KCNK1: variants seen among roughly 807,000 people sequenced by gnomAD.
KCNK1 encodes potassium two pore domain channel subfamily K member 1, also known as potassium channel subfamily K member 1.
A neutral mutation model predicts 22.2 loss-of-function variants in KCNK1; 10 were observed. The observed-to-expected ratio is 0.45, with a 90% CI of 0.28 to 0.76. The LOEUF (loss-of-function observed/expected upper bound fraction) is 0.76. Among genes scored for constraint, KCNK1 ranks in the 30% least tolerant of loss-of-function variants. KCNK1 has a pLI of 0.14. For synonymous variants in KCNK1, 200 were observed against 186.4 expected (o/e 1.07, Z -0.60); for missense variants, 378 against 421.0 (o/e 0.90, Z 0.89).
At position 233,624,585 on chromosome 1, in the gene KCNK1, C is replaced by T. The variant is rs369780871; in HGVS notation, c.355+10059C>T. 5.1e-4 allele frequency among the ~76,000 whole-genome samples: 77 copies of T among 152,284 alleles called. No individual in the cohort carries two copies. The South Asian group carries it at 0.015, about 30-fold the overall frequency. ...AGGAGCAACTTAAGGCACATTTCTT[C>T]ATATGTCTGAATCTGTGCCTTTTCT... On this transcript the variant is annotated intron_variant, in intron 1 of 2. Coordinates refer to ENST00000366621, the MANE Select transcript of KCNK1 (RefSeq NM_002245.4).
At chr1:233,664,477 G>GT (rs1317913135) in intron 1 of KCNK1, among the ~76,000 whole-genome samples, 1 of 152,152 alleles carries the variant, frequency 6.6e-6, no homozygotes, top group Non-Finnish European at 1.5e-5. Context: ...GCAGTTGGGT[G>GT]TGCAGGGACC....
At chr1:233,670,636 T>C (rs1278908801) in intron 2 of KCNK1, among the ~76,000 whole-genome samples, 1 of 152,108 alleles carries the variant, frequency 6.6e-6, no homozygotes, top group Non-Finnish European at 1.5e-5. Flanking sequence ...GTGAGACTTA[T>C]TCACTATCAT....
At chr1:233,634,591 A>G (rs1657865370) in intron 1 of KCNK1, among the ~76,000 whole-genome samples, 1 of 152,210 alleles carries the variant, frequency 6.6e-6, no homozygotes, top group Non-Finnish European at 1.5e-5. Context: ...GGAGAGAGTC[A>G]ACGAGGCTGA....
At chr1:233,629,983 A>T (rs1461268863) in intron 1 of KCNK1, 1 of 152,196 alleles carries the variant, frequency 6.6e-6, no homozygotes, top group Non-Finnish European at 1.5e-5. Flanking sequence ...GGCAGGGGAT[A>T]TAGAAGGGAA....
chr1:233,630,447 G>C (rs1657771615), intron 1 of KCNK1: 1 of 152,088 alleles, frequency 6.6e-6, no homozygotes, highest in Non-Finnish European at 1.5e-5. Flanking sequence ...TGGTACATTG[G>C]CCTCAGATTA....
At position 233,661,150 on chromosome 1, in the gene KCNK1, C is replaced by A. The variant is rs563765209; in HGVS notation, c.356-5445C>A. Among the ~76,000 whole-genome samples, 46 of 152,304 alleles carry A rather than the reference C, an allele frequency of 3.0e-4. No homozygotes were observed. In the East Asian group the frequency reaches 7.5e-3, roughly 25 times the overall value. ...CCGTTTCCCTCCTTTCCAGAACCTACCTCCTCAGACTGATGGATGCATGAT... is the reference window on the plus strand; with the variant it reads ...CCGTTTCCCTCCTTTCCAGAACCTAACTCCTCAGACTGATGGATGCATGAT... On this transcript the variant is annotated intron_variant, in intron 1 of 2. Transcript: ENST00000366621.
At chr1:233,661,985 T>TA (rs1191678153) in intron 1 of KCNK1, 4 of 152,208 alleles carry the variant, frequency 2.6e-5, no homozygotes, top group African/African-American at 9.7e-5. Context: ...GCACCGGTGT[T>TA]ACGGTTCACT....
At chr1:233,664,366 A>T (rs1365728306) in intron 1 of KCNK1, among the ~76,000 whole-genome samples, 1 of 152,124 alleles carries the variant, frequency 6.6e-6, no homozygotes, top group East Asian at 1.9e-4. Flanking sequence ...TAGCATGAAC[A>T]TTATTTGGCA....
At chr1:233,651,234 GC>G (rs1658197838) in intron 1 of KCNK1, among the ~76,000 whole-genome samples, 1 of 152,146 alleles carries the variant, frequency 6.6e-6, no homozygotes, top group Admixed American at 6.5e-5. Flanking sequence ...ATCCTGAGTT[GC>G]CTGCACAGCA....
chr1:233,664,909 T>G (rs116607246), intron 1 of KCNK1, among the ~76,000 whole-genome samples: 4 of 152,036 alleles, frequency 2.6e-5, no homozygotes, highest in Admixed American at 6.6e-5. Flanking sequence ...AAAAAAAATG[T>G]ATTTAGCTGG....
At chr1:233,664,899 A>T (rs985775239) in intron 1 of KCNK1, among the ~76,000 whole-genome samples, 16 of 106,542 alleles carry the variant, frequency 1.5e-4, no homozygotes, top group African/African-American at 4.8e-4. Flanking sequence ...AATTTCATTT[A>T]AAAAAAATGT....
intron 1 of KCNK1, chr1:233,637,198 A>G (rs952224953): frequency 7.2e-6 from 1 of 139,462 alleles, no homozygotes; most frequent in South Asian, 2.1e-4. Flanking sequence ...TCTGTTTCAA[A>G]AAAAAAAAAA....
intron 1 of KCNK1, among the ~76,000 whole-genome samples, chr1:233,634,131 C>T (rs905952937): frequency 7.9e-5 from 12 of 151,956 alleles, no homozygotes; most frequent in Non-Finnish European, 1.5e-4. Context: ...CACAGTGAAA[C>T]CCTGTCTCTA....
intron 1 of KCNK1, among the ~76,000 whole-genome samples, chr1:233,634,540 C>T (rs2102890569): frequency 6.6e-6 from 1 of 152,236 alleles, no homozygotes; most frequent in South Asian, 2.1e-4. Context: ...AGTACAGGTA[C>T]TCAAACCCAG....
At chr1:233,658,435 A>G (rs571605000) in intron 1 of KCNK1, among the ~76,000 whole-genome samples, 41 of 152,356 alleles carry the variant, frequency 2.7e-4, no homozygotes, top group African/African-American at 9.9e-4. Context: ...TGGACACATA[A>G]TTAATAAGCA....
chr1:233,647,965 G>T (rs518032), intron 1 of KCNK1, among the ~76,000 whole-genome samples: 8,535 of 152,142 alleles, frequency 0.056, 332 homozygotes, highest in Non-Finnish European at 0.077. Flanking sequence ...CATCCATTTG[G>T]CCCCTGTGCT....
rs75403401 is a variant in KCNK1 at position 233,644,952 on chromosome 1, T to C, written c.356-21643T>C. Among the ~76,000 whole-genome samples, 2,127 of 152,260 alleles carry C rather than the reference T, an allele frequency of 0.014. 87 individuals are homozygous for C. The East Asian group carries it at 0.15, about 11-fold the overall frequency. On this transcript the variant is annotated intron_variant, in intron 1 of 2. Transcript: ENST00000366621. ...GCTCACATCTGTAATCCTAGCACTT[T>C]GGGAGGCCAAGGCGGGTGGATCACG...
intron 1 of KCNK1, 86 bp from the exon 2 acceptor site, chr1:233,666,509 G>A: frequency 7.7e-7 from 1 of 1,302,720 alleles, no homozygotes; most frequent in Non-Finnish European, 1.1e-6. Flanking sequence ...GGGGAATAAG[G>A]GCAGATGATA....
In KCNK1 at chr1:233,614,488, C is replaced by G; in HGVS notation, c.317C>G (p.Ser106Cys). Residue 106 changes from serine (S) to cysteine (C), a missense_variant, in exon 1 of 3, where the codon TCC (serine) becomes TGC (cysteine). Transcript: ENST00000366621. Reference protein sequence around the residue: ...ASGNWNWDFTSALFFASTVLS... With the variant: ...ASGNWNWDFTCALFFASTVLS... ...GGCAACTGGAACTGGGACTTCACCTCCGCGCTCTTCTTCGCCAGCACCGTG... is the reference window on the plus strand; with the variant it reads ...GGCAACTGGAACTGGGACTTCACCTGCGCGCTCTTCTTCGCCAGCACCGTG... 1 of 1,611,140 alleles carries G rather than the reference C, an allele frequency of 6.2e-7. No homozygotes were observed. Among genetic ancestry groups the G allele is most frequent in the Non-Finnish European group, 8.5e-7 (1 of 1,178,736 alleles).
Sources: allele counts gnomAD v4.1 joint callset (sites outside exome capture counted in the v4.1 genomes callset), GRCh38; gene constraint gnomAD v4.1.1; transcripts MANE v1.5; gene names NCBI Gene and HGNC (gene_info 2026-07-23, HGNC 2026-07-21).